NIPA1: variants seen among roughly 807,000 people sequenced by gnomAD.
The protein encoded by NIPA1 is magnesium transporter NIPA1.
A neutral mutation model predicts 23.9 loss-of-function variants in NIPA1; 13 were observed. The ratio of observed to expected loss-of-function variants is 0.54; its 90% confidence interval spans 0.35 to 0.87. The LOEUF is 0.87. Ranked by LOEUF, NIPA1 falls within the 40% of genes least tolerant of loss-of-function variation. NIPA1 has a pLI of 0.01. For missense variants in NIPA1, 362 were observed against 429.7 expected, an observed-to-expected ratio of 0.84 and a Z score of 1.39; for synonymous variants, 234 against 202.9, an observed-to-expected ratio of 1.15 and a Z score of -1.30.
intron 1 of NIPA1, among the ~76,000 whole-genome samples, chr15:22,799,298 G>A (rs1895013158): frequency 1.3e-5 from 2 of 152,062 alleles, no homozygotes; most frequent in African/African-American, 4.8e-5. Flanking sequence ...GGAGCTGGAG[G>A]CCATTATCCT....
At chr15:22,820,212 G>T (rs1469070105) in intron 3 of NIPA1, 101 bp from the exon 4 acceptor site, 14 of 891,490 alleles carry the variant, frequency 1.6e-5, no homozygotes, top group Non-Finnish European at 2.5e-5. Flanking sequence ...GGGAAAAAAA[G>T]AAGAAAAAGA....
Position 22,828,718 on chromosome 15 carries a change from G to A in NIPA1, c.*4479G>A, listed in dbSNP as rs536293217. ...AAAGCATTTAAAAAGCAGAATCCAG[G>A]GCCCAGAGCATGAGCCAGGGAGGAG... On this transcript the variant is annotated 3_prime_UTR_variant, in exon 5 of 5. Coordinates refer to ENST00000337435, the MANE Select transcript of NIPA1 (RefSeq NM_144599.5). The A allele has an allele frequency of 6.6e-6, 1 of 152,620 alleles. No individual in the cohort carries two copies. The highest frequency in any genetic ancestry group is 2.4e-5 in the African/African-American group (1 of 41,508). The allele number at this position is 152,620 out of a possible 1,614,324, so 9.5% of individuals were successfully genotyped here. A position where few individuals can be genotyped will look rare whatever the true frequency, so the allele number is the denominator to read the frequency against.
In NIPA1 at chr15:22,827,447, C is replaced by G. The variant is rs1271963567; in HGVS notation, c.*3208C>G. On this transcript the variant is annotated 3_prime_UTR_variant, in exon 5 of 5. Transcript: ENST00000337435. ...AGTGCCACATGGAGTGAGGCCCTGCCCATGCTGGGGACTTTGGGGAGGAAT... is the reference window on the plus strand; with the variant it reads ...AGTGCCACATGGAGTGAGGCCCTGCGCATGCTGGGGACTTTGGGGAGGAAT... The G allele has an allele frequency of 6.6e-6, 1 of 152,210 alleles. No individual in the cohort carries two copies. The highest frequency in any genetic ancestry group is 2.4e-5 in the African/African-American group (1 of 41,440). 9.4% of individuals were successfully genotyped at this position (152,210 alleles called of 1,614,324 possible).
At chr15:22,802,145 G>A (rs1177623538) in intron 1 of NIPA1, among the ~76,000 whole-genome samples, 1 of 152,014 alleles carries the variant, frequency 6.6e-6, no homozygotes, top group East Asian at 1.9e-4. Context: ...CGTAATCCCA[G>A]CACTTTGGGA....
At chr15:22,820,859 A>G (rs1895523855) in intron 4 of NIPA1, among the ~76,000 whole-genome samples, 1 of 147,888 alleles carries the variant, frequency 6.8e-6, no homozygotes, top group South Asian at 2.1e-4. Context: ...CTCTATCTCC[A>G]CCTCAGCACT....
At chr15:22,797,129 T>G (rs1225924212) in intron 1 of NIPA1, among the ~76,000 whole-genome samples, 2 of 151,334 alleles carry the variant, frequency 1.3e-5, no homozygotes, top group Non-Finnish European at 2.9e-5. Context: ...AACTTCCGCC[T>G]CCCAGGTTCA....
intron 1 of NIPA1, among the ~76,000 whole-genome samples, chr15:22,800,026 A>G (rs1427811900): frequency 6.6e-6 from 1 of 151,794 alleles, no homozygotes; most frequent in Non-Finnish European, 1.5e-5. Context: ...GGAAGGGTAG[A>G]AGACTGGGGT....
Position 22,826,077 on chromosome 15 carries a change from G to GA in NIPA1, c.*1846dup, listed in dbSNP as rs113532349. 0.3 allele frequency: 46,147 copies of GA among 151,662 alleles called. 7,140 individuals are homozygous for GA. The highest frequency in any genetic ancestry group is 0.33 in the Non-Finnish European group (22,112 of 67,866). 9.4% of individuals were successfully genotyped at this position (151,662 alleles called of 1,614,324 possible). On this transcript the variant is annotated 3_prime_UTR_variant, in exon 5 of 5. Coordinates refer to ENST00000337435, the MANE Select transcript of NIPA1 (RefSeq NM_144599.5). ...GTACCCAATTAAAGTTCCTCAGTAA[G>GA]AAAAAAAATGTGTTTTTGTAGGCAA...
chr15:22,799,585 A>AT (rs1199001683), intron 1 of NIPA1, among the ~76,000 whole-genome samples: 1 of 152,040 alleles, frequency 6.6e-6, no homozygotes, highest in Non-Finnish European at 1.5e-5. Flanking sequence ...GATCGAGACC[A>AT]TCCTGGCTAA....
intron 1 of NIPA1, among the ~76,000 whole-genome samples, chr15:22,806,798 A>G (rs1239081806): frequency 6.6e-6 from 1 of 152,154 alleles, no homozygotes; most frequent in Non-Finnish European, 1.5e-5. Context: ...TCCTGGCAAA[A>G]GAAGGAGGAG....
At chr15:22,787,070 C>T (rs1327318781) in intron 1 of NIPA1, among the ~76,000 whole-genome samples, 1 of 151,938 alleles carries the variant, frequency 6.6e-6, no homozygotes, top group Non-Finnish European at 1.5e-5. Flanking sequence ...GAGCGTCCGG[C>T]GCTTCGCCGA....
At position 22,824,104 on chromosome 15, in the gene NIPA1, C is replaced by T. The variant is rs747601781; in HGVS notation, c.855C>T (p.Asn285=). ...CCATCCTCTTCCGGGAGTGGAGCAA[C>T]GTGGGCCTGGTGGACTTCTTGGGGA... ...ASAILFREWS[N]VGLVDFLGMA... The change falls in exon 5 of 5, where the codon AAC becomes AAT. Residue 285 remains asparagine, a synonymous_variant. Coordinates refer to ENST00000337435, the MANE Select transcript of NIPA1 (RefSeq NM_144599.5). This position sits in a 1 kb window ranked among gnomAD's most constrained non-coding sequence, Gnocchi z 4.1. 7.4e-6 allele frequency: 12 copies of T among 1,613,984 alleles called. No individual in the cohort carries two copies. The Admixed American group carries it at 1.0e-4, about 13-fold the overall frequency.
At chr15:22,787,686 G>T (rs1040026737) in intron 1 of NIPA1, among the ~76,000 whole-genome samples, 1 of 152,168 alleles carries the variant, frequency 6.6e-6, no homozygotes, top group Non-Finnish European at 1.5e-5. Context: ...CTTCCAGAGG[G>T]ACTGAGAAAG....
intron 1 of NIPA1, among the ~76,000 whole-genome samples, chr15:22,801,641 C>T (rs984614294): frequency 1.3e-5 from 2 of 151,530 alleles, no homozygotes; most frequent in Admixed American, 6.6e-5. Flanking sequence ...CTCAGCCTCC[C>T]GAGTAGCTAG....
At chr15:22,813,082 C>T (rs944228250) in intron 3 of NIPA1, among the ~76,000 whole-genome samples, 3 of 151,702 alleles carry the variant, frequency 2.0e-5, no homozygotes, top group Non-Finnish European at 4.4e-5. Context: ...GAGAAGGTCC[C>T]GGGTTTGGTT....
chr15:22,807,051 A>G (rs1238950465), intron 1 of NIPA1, among the ~76,000 whole-genome samples: 7 of 152,172 alleles, frequency 4.6e-5, no homozygotes, highest in East Asian at 1.9e-4. Context: ...TGACCTATAC[A>G]CCTTTTGATT....
At position 22,792,886 on chromosome 15, in the gene NIPA1, G is replaced by A. The variant is rs1355830348; in HGVS notation, c.178+6052G>A. Among the ~76,000 whole-genome samples the A allele has an allele frequency of 3.3e-5, 5 of 151,532 alleles. No individual in the cohort carries two copies. In the South Asian group the frequency reaches 6.2e-4, roughly 19 times the overall value. On this transcript the variant is annotated intron_variant, in intron 1 of 4. Transcript: ENST00000337435. ...GGAGAATTGCTTGAACCTGGGAGGC[G>A]GAAGTTTCAGTGAGGCTAGATTGCG...
In NIPA1 at chr15:22,829,561, A is replaced by C. The variant is rs1205560825; in HGVS notation, c.*5322A>C. On this transcript the variant is annotated 3_prime_UTR_variant, in exon 5 of 5. Transcript: ENST00000337435. ...GAGGAAGAAGATGTAAAAAATGTCA[A>C]ATGTTGATTGGTTGTGTAAAAGTTT... 6.6e-6 allele frequency: 1 copy of C among 152,164 alleles called. No individual in the cohort carries two copies. Among genetic ancestry groups the C allele is most frequent in the Non-Finnish European group, 1.5e-5 (1 of 68,026 alleles). 9.4% of individuals were successfully genotyped at this position (152,164 alleles called of 1,614,324 possible).
In NIPA1 at chr15:22,801,173, T is replaced by C. The variant is rs28609614; in HGVS notation, c.179-9576T>C. On this transcript the variant is annotated intron_variant, in intron 1 of 4. Transcript: ENST00000337435. Reference sequence around the variant, plus strand: ...TCAGTCTGTCGTGAGCTTGTCCCCCTGTTAGATGTTCTTTGCAAACATATT... The same window carrying C: ...TCAGTCTGTCGTGAGCTTGTCCCCCCGTTAGATGTTCTTTGCAAACATATT... Among the ~76,000 whole-genome samples the C allele has an allele frequency of 8.7e-3, 1,330 of 152,210 alleles. 20 individuals are homozygous for C. Among genetic ancestry groups the C allele is most frequent in the African/African-American group, 0.03 (1,255 of 41,530 alleles).
Sources: gnomAD v4.1 joint callset for allele counts (sites outside exome capture counted in the v4.1 genomes callset) on GRCh38, gnomAD v4.1.1 for gene constraint, Gnocchi (gnomAD v3.1) non-coding constraint, MANE v1.5 for transcripts, NCBI Gene and HGNC (gene_info 2026-07-23, HGNC 2026-07-21) for gene names.